KIF6: variants seen among roughly 807,000 people sequenced by gnomAD.
KIF6 encodes the protein kinesin-like protein KIF6.
KIF6 carries 106 observed loss-of-function variants against 112.7 expected under a neutral mutation model. That is an observed-to-expected ratio of 0.94 (90% CI 0.80 to 1.11). The LOEUF (loss-of-function observed/expected upper bound fraction) is 1.11, where lower values mean the gene tolerates loss of function less well. KIF6 is among the 50% of genes least tolerant of loss of function. The probability of loss-of-function intolerance (pLI) is 0.00; values close to 1 mark genes in which losing one functional copy is unlikely to be tolerated. For synonymous variants in KIF6, 339 were observed against 339.9 expected (o/e 1.00, Z 0.03); for missense variants, 929 against 964.0 (o/e 0.96, Z 0.48).
At chr6:39,697,711 C>CT (rs984306948) in intron 3 of KIF6, among the ~76,000 whole-genome samples, 7 of 151,544 alleles carry the variant, frequency 4.6e-5, no homozygotes, top group African/African-American at 1.2e-4. Flanking sequence ...CTTGGCTAAT[C>CT]TTTTTTTTGT....
chr6:39,562,318 T>A (rs977493351), intron 10 of KIF6, among the ~76,000 whole-genome samples: 12 of 152,190 alleles, frequency 7.9e-5, no homozygotes, highest in African/African-American at 2.9e-4. Flanking sequence ...AGCAAGTCTT[T>A]AGAATGAAAA....
rs1242156602 is a variant in KIF6 at position 39,336,277 on chromosome 6, T to A, written c.*255A>T. 1 of 538,870 alleles carries A rather than the reference T, an allele frequency of 1.9e-6. No individual in the cohort carries two copies. Among genetic ancestry groups the A allele is most frequent in the African/African-American group, 1.9e-5 (1 of 52,250 alleles). 33.4% of individuals were successfully genotyped at this position (538,870 alleles called of 1,614,324 possible). A position where few individuals can be genotyped will look rare whatever the true frequency, so the allele number is the denominator to read the frequency against. ...GAAGCCTTCACCCTGCCCCTAGCACTCTGGCCTTGCCTGGCCCTGCCAGCA... is the reference window on the plus strand; with the variant it reads ...GAAGCCTTCACCCTGCCCCTAGCACACTGGCCTTGCCTGGCCCTGCCAGCA... On this transcript the variant is annotated 3_prime_UTR_variant, in exon 23 of 23. Coordinates refer to ENST00000287152, the MANE Select transcript of KIF6 (RefSeq NM_145027.6).
At chr6:39,470,678 T>C (rs931629732) in intron 13 of KIF6, among the ~76,000 whole-genome samples, 12 of 151,376 alleles carry the variant, frequency 7.9e-5, no homozygotes, top group African/African-American at 2.9e-4. Context: ...CACCTAAATG[T>C]GTAACCATCT....
At chr6:39,685,982 T>G (rs1290372760) in intron 3 of KIF6, among the ~76,000 whole-genome samples, 1 of 152,254 alleles carries the variant, frequency 6.6e-6, no homozygotes, top group Non-Finnish European at 1.5e-5. Context: ...TCTACTTTTG[T>G]TTTAATTGAT....
intron 6 of KIF6, among the ~76,000 whole-genome samples, chr6:39,597,334 C>T (rs907281020): frequency 2.0e-5 from 3 of 152,124 alleles, no homozygotes; most frequent in Admixed American, 2.0e-4. Flanking sequence ...AAAAGTAATT[C>T]TGTGAAAGAA....
In KIF6 at chr6:39,337,624, T is replaced by C. The variant is rs142947589; in HGVS notation, c.2429-1076A>G. 3.8e-3 allele frequency among the ~76,000 whole-genome samples: 577 copies of C among 152,214 alleles called. 1 individual carries two copies. Among genetic ancestry groups the C allele is most frequent in the Non-Finnish European group, 4.4e-3 (299 of 67,994 alleles). On this transcript the variant is annotated intron_variant, in intron 22 of 22. Coordinates refer to ENST00000287152, the MANE Select transcript of KIF6 (RefSeq NM_145027.6). Reference sequence around the variant, plus strand: ...ACCACACCTGGACAACCCCATGGTTTTCATTGATGCTCCTACCTAATCCTC... The same window carrying C: ...ACCACACCTGGACAACCCCATGGTTCTCATTGATGCTCCTACCTAATCCTC...
intron 3 of KIF6, among the ~76,000 whole-genome samples, chr6:39,672,466 A>G (rs1158834260): frequency 6.6e-6 from 1 of 152,232 alleles, no homozygotes; most frequent in Non-Finnish European, 1.5e-5. Flanking sequence ...ACATAATCTC[A>G]GTTAATATTT....
At chr6:39,500,917 G>C (rs1776092625) in intron 13 of KIF6, among the ~76,000 whole-genome samples, 2 of 152,132 alleles carry the variant, frequency 1.3e-5, no homozygotes, top group South Asian at 4.2e-4. Context: ...TTTGGGGAGA[G>C]AGGGGAGTGG....
chr6:39,418,889 G>C (rs752779295), intron 15 of KIF6, among the ~76,000 whole-genome samples: 1 of 152,184 alleles, frequency 6.6e-6, no homozygotes, highest in African/African-American at 2.4e-5. Context: ...CGGAGAAAAG[G>C]GGGTAGTAAG....
chr6:39,418,231 G>A (rs752213786), intron 15 of KIF6, among the ~76,000 whole-genome samples: 3 of 152,172 alleles, frequency 2.0e-5, no homozygotes, highest in Admixed American at 6.5e-5. Flanking sequence ...GCAGTTTTAG[G>A]ATGTTCAGGA....
At chr6:39,376,837 A>C (rs1463085530) in intron 16 of KIF6, among the ~76,000 whole-genome samples, 1 of 152,252 alleles carries the variant, frequency 6.6e-6, no homozygotes, top group South Asian at 2.1e-4. Flanking sequence ...ATATATTAAA[A>C]GCTGCAGAAC....
At chr6:39,558,602 C>G (rs1779845465) in intron 10 of KIF6, among the ~76,000 whole-genome samples, 1 of 152,038 alleles carries the variant, frequency 6.6e-6, no homozygotes, top group South Asian at 2.1e-4. Context: ...CTCACAAAAC[C>G]CAAAGAGCAA....
At chr6:39,379,407 T>C (rs1766727865) in intron 16 of KIF6, among the ~76,000 whole-genome samples, 1 of 152,242 alleles carries the variant, frequency 6.6e-6, no homozygotes, top group Non-Finnish European at 1.5e-5. Flanking sequence ...ACTTGGCCTA[T>C]TTATTGCTTG....
intron 15 of KIF6, among the ~76,000 whole-genome samples, chr6:39,387,434 G>A (rs564556518): frequency 1.3e-5 from 2 of 152,284 alleles, no homozygotes; most frequent in African/African-American, 4.8e-5. Flanking sequence ...AAAGGGTCTG[G>A]GGCACCTGCA....
chr6:39,600,921 T>A (rs1017202405), intron 6 of KIF6, among the ~76,000 whole-genome samples: 1 of 152,164 alleles, frequency 6.6e-6, no homozygotes, highest in African/African-American at 2.4e-5. Flanking sequence ...TTCATGTTTC[T>A]AGAATGCCAT....
chr6:39,640,021 C>T (rs138592200), intron 3 of KIF6, among the ~76,000 whole-genome samples: 2 of 152,092 alleles, frequency 1.3e-5, no homozygotes, highest in East Asian at 3.9e-4. Context: ...TCTTTTAGTA[C>T]ACACTGGACT....
chr6:39,576,220 G>A (rs917946849), intron 10 of KIF6, among the ~76,000 whole-genome samples: 2 of 151,998 alleles, frequency 1.3e-5, no homozygotes, highest in African/African-American at 4.8e-5. Flanking sequence ...TGCCTCCCGG[G>A]TTCAAGCGAT....
At chr6:39,669,870 G>T (rs1211049855) in intron 3 of KIF6, among the ~76,000 whole-genome samples, 1 of 152,214 alleles carries the variant, frequency 6.6e-6, no homozygotes, top group Non-Finnish European at 1.5e-5. Context: ...CAGACTTAAG[G>T]AAACATTGCC....
At chr6:39,531,915 G>A (rs1034047634) in intron 13 of KIF6, among the ~76,000 whole-genome samples, 11 of 152,134 alleles carry the variant, frequency 7.2e-5, no homozygotes, top group African/African-American at 2.6e-4. Context: ...TGTCGTCCCA[G>A]CCTTTCACTC....
Sources: gnomAD v4.1 joint callset for allele counts (sites outside exome capture counted in the v4.1 genomes callset) on GRCh38, gnomAD v4.1.1 for gene constraint, MANE v1.5 for transcripts, NCBI Gene and HGNC (gene_info 2026-07-23, HGNC 2026-07-21) for gene names.